The following DPF3 variants were observed in gnomAD, a reference collection of about 807,000 sequenced individuals.
DPF3 encodes double PHD fingers 3, also known as zinc finger protein DPF3.
A neutral mutation model predicts 56.8 loss-of-function variants in DPF3; 18 were observed. The ratio of observed to expected loss-of-function variants is 0.32; its 90% confidence interval spans 0.22 to 0.47. DPF3 has a LOEUF of 0.47. Among genes scored for constraint, DPF3 ranks in the 20% least tolerant of loss-of-function variants. The pLI, the probability that DPF3 is intolerant of heterozygous loss-of-function variation, is 1.00. For synonymous variants in DPF3, 188 were observed against 180.2 expected (o/e 1.04, Z -0.35); for missense variants, 403 against 488.8 (o/e 0.82, Z 1.65).
rs1440320895 is a variant in DPF3 at position 72,718,915 on chromosome 14, T to C, written c.526-4414A>G. ...CCCCCTGAGTAGCTGGGATTACAGG[T>C]GCATGCCGGCATGCCCAGCTAATTT... On this transcript the variant is annotated intron_variant, in intron 5 of 10. Coordinates refer to ENST00000556509, the MANE Select transcript of DPF3 (RefSeq NM_001280542.3). Among the ~76,000 whole-genome samples, 3 of 151,266 alleles carry C rather than the reference T, an allele frequency of 2.0e-5. 1 individual carries two copies.
In DPF3 at chr14:72,771,904, CAG is replaced by C. The variant is rs1323242055; in HGVS notation, c.33-13_33-12del. 13 of 1,566,844 alleles carry C rather than the reference CAG, an allele frequency of 8.3e-6. No individual in the cohort carries two copies. Among genetic ancestry groups the C allele is most frequent in the Non-Finnish European group, 1.1e-5 (13 of 1,157,812 alleles). ...AACTGGTCCCCGAGCCTGCCAGAGT[CAG>C]AGAGTGAAGGGGTGAGGCCAGGGAA... On this transcript the variant is annotated splice_polypyrimidine_tract_variant and intron_variant, in intron 1 of 10. Coordinates refer to ENST00000556509, the MANE Select transcript of DPF3 (RefSeq NM_001280542.3).
intron 3 of DPF3, chr14:72,742,858 G>A (rs928938545): frequency 6.6e-6 from 1 of 152,290 alleles, no homozygotes; most frequent in African/African-American, 2.4e-5. Flanking sequence ...CACCCTGGGT[G>A]GGTGAAGTAG....
At chr14:72,642,059 G>A (rs115911368) in intron 8 of DPF3, among the ~76,000 whole-genome samples, 2,055 of 152,282 alleles carry the variant, frequency 0.013, 39 homozygotes, top group African/African-American at 0.048. Flanking sequence ...AGCTCATGAG[G>A]ACCTGAGGCC....
At chr14:72,884,014 G>T (rs2140127784) in intron 1 of DPF3, among the ~76,000 whole-genome samples, 1 of 151,890 alleles carries the variant, frequency 6.6e-6, no homozygotes, top group African/African-American at 2.4e-5. Context: ...TTCACAAGCA[G>T]ATCTAAGCCC....
intron 1 of DPF3, among the ~76,000 whole-genome samples, chr14:72,891,501 T>G (rs1435723857): frequency 6.6e-6 from 1 of 152,216 alleles, no homozygotes; most frequent in African/African-American, 2.4e-5. Flanking sequence ...CTCTGCACTT[T>G]GTTCTAATTT....
intron 8 of DPF3, among the ~76,000 whole-genome samples, chr14:72,635,650 A>T (rs937424599): frequency 2.6e-5 from 4 of 152,222 alleles, no homozygotes; most frequent in Non-Finnish European, 5.9e-5. Context: ...AAGCTAACCT[A>T]AGTCACTTAC....
intron 1 of DPF3, among the ~76,000 whole-genome samples, chr14:72,868,781 T>C (rs1374978662): frequency 6.6e-6 from 1 of 152,202 alleles, no homozygotes; most frequent in Non-Finnish European, 1.5e-5. Context: ...CTCCAGCTAA[T>C]ACCTTGTCCT....
At chr14:72,847,686 AT>A (rs1884814398) in intron 1 of DPF3, among the ~76,000 whole-genome samples, 1 of 151,682 alleles carries the variant, frequency 6.6e-6, no homozygotes, top group Non-Finnish European at 1.5e-5. Context: ...TAATTTTTGT[AT>A]TTTTAGTAGA....
At chr14:72,793,478 CTG>C (rs997062269) in intron 1 of DPF3, among the ~76,000 whole-genome samples, 55 of 152,358 alleles carry the variant, frequency 3.6e-4, no homozygotes, top group African/African-American at 1.3e-3. Context: ...AATAAGGACA[CTG>C]GTAATCTCCA....
chr14:72,745,300 T>A (rs932208290), intron 3 of DPF3, among the ~76,000 whole-genome samples: 4 of 152,196 alleles, frequency 2.6e-5, no homozygotes, highest in Non-Finnish European at 5.9e-5. Context: ...CACTTAGCAA[T>A]ATATCTTTAA....
At chr14:72,702,843 G>A (rs1190397459) in intron 6 of DPF3, among the ~76,000 whole-genome samples, 1 of 152,116 alleles carries the variant, frequency 6.6e-6, no homozygotes, top group African/African-American at 2.4e-5. Flanking sequence ...TTTCTCAAAA[G>A]CCAACGGTGG....
At chr14:72,732,431 G>A (rs968692022) in intron 3 of DPF3, among the ~76,000 whole-genome samples, 2 of 152,158 alleles carry the variant, frequency 1.3e-5, no homozygotes, top group African/African-American at 4.8e-5. Flanking sequence ...TCAACCCCAT[G>A]ACCTCCTCAT....
rs1217925134 is a variant in DPF3 at position 72,619,296 on chromosome 14, C to CCTAG, written c.1134_1137dup. 1.3e-6 allele frequency: 2 copies of CCTAG among 1,535,972 alleles called. No individual in the cohort carries two copies. The highest frequency in any genetic ancestry group is 4.9e-5 in the East Asian group (2 of 40,936). Reference sequence around the variant, plus strand: ...CGAGTCACATTCTGTGACCTGGGGCCCTAGGCCTGGCAGCCAAAGGCTGAG... The same window carrying CCTAG: ...CGAGTCACATTCTGTGACCTGGGGCCCTAGCTAGGCCTGGCAGCCAAAGGCTGAG... On this transcript the variant is annotated 3_prime_UTR_variant, in exon 11 of 11. Transcript: ENST00000556509.
At chr14:72,844,793 T>C (rs1884683813) in intron 1 of DPF3, among the ~76,000 whole-genome samples, 1 of 152,166 alleles carries the variant, frequency 6.6e-6, no homozygotes, top group Non-Finnish European at 1.5e-5. Context: ...GGTGCACATA[T>C]AATCTAGTGC....
At chr14:72,672,059 A>AC (rs1555494742) in intron 8 of DPF3, among the ~76,000 whole-genome samples, 4 of 63,780 alleles carry the variant, frequency 6.3e-5, no homozygotes, top group African/African-American at 1.9e-4. Context: ...ACACACACAC[A>AC]GACACACACA....
chr14:72,784,511 T>C (rs1892126840), intron 1 of DPF3, among the ~76,000 whole-genome samples: 1 of 152,192 alleles, frequency 6.6e-6, no homozygotes, highest in South Asian at 2.1e-4. Context: ...CTGATTTTCC[T>C]TCCCCCACTA....
At position 72,778,595 on chromosome 14, in the gene DPF3, T is replaced by A. The variant is rs183271768; in HGVS notation, c.33-6702A>T. On this transcript the variant is annotated intron_variant, in intron 1 of 10. Coordinates refer to ENST00000556509, the MANE Select transcript of DPF3 (RefSeq NM_001280542.3). ...ATGCACTTGAATCATCCCAAAACCA[T>A]CCCCTCCCCGACCCCAGTCGGTGGA... Among the ~76,000 whole-genome samples the A allele has an allele frequency of 1.5e-4, 23 of 151,922 alleles. No homozygotes were observed. In the East Asian group the frequency reaches 4.3e-3, roughly 28 times the overall value.
intron 8 of DPF3, among the ~76,000 whole-genome samples, chr14:72,645,459 T>C (rs768265421): frequency 3.9e-5 from 6 of 152,108 alleles, no homozygotes; most frequent in Non-Finnish European, 7.4e-5. Context: ...TAGCTGGGAC[T>C]ACAGGTATGT....
chr14:72,783,637 GGAGA>G (rs1455000508), intron 1 of DPF3, among the ~76,000 whole-genome samples: 2 of 152,152 alleles, frequency 1.3e-5, no homozygotes, highest in Non-Finnish European at 2.9e-5. Flanking sequence ...CCCCAAACCT[GGAGA>G]GAGACTGGGG....
Sources: allele counts gnomAD v4.1 joint callset (sites outside exome capture counted in the v4.1 genomes callset), GRCh38; gene constraint gnomAD v4.1.1; transcripts MANE v1.5; gene names NCBI Gene and HGNC (gene_info 2026-07-23, HGNC 2026-07-21).